The following SLC23A2 variants were observed in gnomAD, a reference collection of about 807,000 sequenced individuals.
The protein encoded by SLC23A2 is solute carrier family 23 member 2, also known as Na(+)/L-ascorbic acid transporter 2.
Under a neutral mutation model 73.3 loss-of-function variants are expected in SLC23A2, and 36 were observed. The observed-to-expected ratio is 0.49, with a 90% CI of 0.38 to 0.65. The LOEUF (loss-of-function observed/expected upper bound fraction) is 0.65. SLC23A2 is among the 30% of genes least tolerant of loss of function. SLC23A2 has a pLI of 0.00. For missense variants in SLC23A2, 507 were observed against 841.6 expected, an observed-to-expected ratio of 0.60 and a Z score of 4.92; for synonymous variants, 343 against 327.3, an observed-to-expected ratio of 1.05 and a Z score of -0.52.
In SLC23A2 at chr20:4,883,646, T is replaced by C; in HGVS notation, c.820A>G (p.Met274Val). Residue 274 changes from methionine to valine, a missense_variant, in exon 9 of 17, where the codon ATG becomes GTG. By Grantham distance (21) the Met-to-Val change is conservative. Coordinates refer to ENST00000338244, the MANE Select transcript of SLC23A2 (RefSeq NM_005116.6). The surrounding 1 kb of genome is among the most constrained non-coding windows in gnomAD (Gnocchi z 4.5). ...ERAGKHWGIA[M>V]LTIFLVLLFS... is the part of the protein sequence containing the mutation. ...AGGGGAGATGTTTCCACTTACAGCA[T>C]GGCAATGCCCCAGTGCTTCCCGGCT... The C allele has an allele frequency of 4.4e-6, 7 of 1,608,582 alleles. No individual in the cohort carries two copies. Among genetic ancestry groups the C allele is most frequent in the Non-Finnish European group, 5.1e-6 (6 of 1,177,094 alleles).
chr20:4,996,151 T>C (rs2088016521), intron 1 of SLC23A2, among the ~76,000 whole-genome samples: 2 of 152,210 alleles, frequency 1.3e-5, no homozygotes, highest in Admixed American at 1.3e-4. Flanking sequence ...CACTGTTTCC[T>C]TGGCCCTATC....
At chr20:4,960,257 T>G (rs1043017579) in intron 2 of SLC23A2, among the ~76,000 whole-genome samples, 1 of 152,230 alleles carries the variant, frequency 6.6e-6, no homozygotes, top group Non-Finnish European at 1.5e-5. Context: ...TTTAGTAATA[T>G]GAAGTATTGG....
chr20:4,905,113 CAAAAAAAAAAAA>C lies in SLC23A2; in HGVS notation c.208-2567_208-2556del, dbSNP rs56708379. ...TGGGCAACAGAGAGAGATTCTGTCA[CAAAAAAAAAAAA>C]AAAAAAAAAAGCAAGACTTTTCGCA... On this transcript the variant is annotated intron_variant, in intron 4 of 16. Transcript: ENST00000338244. 5.2e-5 allele frequency among the ~76,000 whole-genome samples: 5 copies of C among 96,764 alleles called. No homozygotes were observed. In the East Asian group the frequency reaches 1.2e-3, roughly 23 times the overall value. 63.5% of individuals were successfully genotyped at this position (96,764 alleles called of 152,430 possible).
intron 11 of SLC23A2, among the ~76,000 whole-genome samples, chr20:4,870,300 C>T (rs944274361): frequency 1.3e-5 from 2 of 152,128 alleles, no homozygotes; most frequent in Non-Finnish European, 2.9e-5. Context: ...ACATCGTAGC[C>T]GGATGCGGTG....
intron 1 of SLC23A2, among the ~76,000 whole-genome samples, chr20:4,988,223 A>G (rs1486198957): frequency 6.6e-6 from 1 of 152,012 alleles, no homozygotes; most frequent in East Asian, 1.9e-4. Flanking sequence ...AATTGCTTGA[A>G]CCAGGGAGGC....
intron 2 of SLC23A2, among the ~76,000 whole-genome samples, chr20:4,954,556 C>T (rs1378141745): frequency 2.0e-5 from 3 of 151,756 alleles, no homozygotes; most frequent in East Asian, 1.9e-4. Flanking sequence ...CAATTAGCCA[C>T]GCGTGGTGGC....
At chr20:4,999,372 A>G (rs1437773599) in intron 1 of SLC23A2, among the ~76,000 whole-genome samples, 1 of 152,140 alleles carries the variant, frequency 6.6e-6, no homozygotes, top group African/African-American at 2.4e-5. Flanking sequence ...AGATGGACAG[A>G]CTACTCAGTG....
rs545568092 is a variant in SLC23A2 at position 4,890,448 on chromosome 20, T to A, written c.483-4539A>T. ...CAGGAGGATAACCTGAGGTCATGAG[T>A]TCGAGACCAGCCTGGCCAACATGGA... On this transcript the variant is annotated intron_variant, in intron 6 of 16. Transcript: ENST00000338244. Among the ~76,000 whole-genome samples, 71 of 152,096 alleles carry A rather than the reference T, an allele frequency of 4.7e-4. 1 individual carries two copies. In the East Asian group the frequency reaches 9.1e-3, roughly 19 times the overall value.
rs1231115837 is a variant in SLC23A2, at chr20:4,854,126, A to T, written c.*2846T>A. ...GGAAACTGGAGACTAACCGGCCTGC[A>T]AGGACATTCACATCCAAAATATTTT... On this transcript the variant is annotated 3_prime_UTR_variant, in exon 17 of 17. Coordinates refer to ENST00000338244, the MANE Select transcript of SLC23A2 (RefSeq NM_005116.6). 1.3e-5 allele frequency: 2 copies of T among 152,204 alleles called. No homozygotes were observed. Among genetic ancestry groups the T allele is most frequent in the Non-Finnish European group, 2.9e-5 (2 of 68,046 alleles). The allele number at this position is 152,204 out of a possible 1,614,324, so 9.4% of individuals were successfully genotyped here.
At chr20:5,006,072 G>A (rs901118723), upstream of SLC23A2, among the ~76,000 whole-genome samples, 2 of 151,964 alleles carry the variant, frequency 1.3e-5, no homozygotes, top group African/African-American at 4.8e-5. Flanking sequence ...ATATAATAAT[G>A]ATTGAGCATA....
intron 4 of SLC23A2, among the ~76,000 whole-genome samples, chr20:4,912,101 T>G (rs1209834292): frequency 6.6e-6 from 1 of 150,930 alleles, no homozygotes; most frequent in African/African-American, 2.4e-5. Flanking sequence ...CGCCTCAGCC[T>G]CCCAAAGTAT....
chr20:4,967,677 C>T (rs1159367935), intron 2 of SLC23A2, among the ~76,000 whole-genome samples: 1 of 152,212 alleles, frequency 6.6e-6, no homozygotes, highest in African/African-American at 2.4e-5. Flanking sequence ...ACCAGGATTT[C>T]CCGATACATA....
At chr20:4,974,322 C>G (rs1023951453) in intron 1 of SLC23A2, among the ~76,000 whole-genome samples, 1 of 152,004 alleles carries the variant, frequency 6.6e-6, no homozygotes, top group Non-Finnish European at 1.5e-5. Flanking sequence ...ACAAAATTAG[C>G]CAGGCATGGT....
intron 3 of SLC23A2, among the ~76,000 whole-genome samples, chr20:4,926,560 T>C (rs896687431): frequency 1.3e-5 from 2 of 149,900 alleles, no homozygotes; most frequent in Admixed American, 6.7e-5. Flanking sequence ...CCATGGGCAT[T>C]CACCCCTATT....
At chr20:4,982,838 G>A (rs2087747414) in intron 1 of SLC23A2, among the ~76,000 whole-genome samples, 1 of 152,166 alleles carries the variant, frequency 6.6e-6, no homozygotes, top group South Asian at 2.1e-4. Flanking sequence ...AGGCACGGTG[G>A]CTCACACCTG....
intron 8 of SLC23A2, 28 bp downstream of exon 8, chr20:4,884,725 C>A (rs1296682901): frequency 2.6e-6 from 4 of 1,552,300 alleles, no homozygotes; most frequent in Non-Finnish European, 3.6e-6. Context: ...CATGAAGAAG[C>A]CAAAAGCAGA....
intron 9 of SLC23A2, among the ~76,000 whole-genome samples, chr20:4,875,783 C>T (rs892966182): frequency 6.6e-6 from 1 of 152,236 alleles, no homozygotes; most frequent in Non-Finnish European, 1.5e-5. Context: ...TCCACGCGGT[C>T]TCGCTCTTTC....
chr20:4,921,989 C>T (rs958156931), intron 3 of SLC23A2, among the ~76,000 whole-genome samples: 3 of 152,130 alleles, frequency 2.0e-5, no homozygotes, highest in African/African-American at 4.8e-5. Context: ...ATTACTGCCT[C>T]GAAACCTCCA....
chr20:4,888,204 C>A (rs1285921809), intron 6 of SLC23A2, among the ~76,000 whole-genome samples: 1 of 152,182 alleles, frequency 6.6e-6, no homozygotes, highest in African/African-American at 2.4e-5. Flanking sequence ...GTGGGCCAAA[C>A]CTGGGGTGCT....
Sources: allele counts gnomAD v4.1 joint callset (sites outside exome capture counted in the v4.1 genomes callset), GRCh38; gene constraint gnomAD v4.1.1; non-coding constraint Gnocchi (gnomAD v3.1); transcripts MANE v1.5; gene names NCBI Gene and HGNC (gene_info 2026-07-23, HGNC 2026-07-21).